SLC7A14: variants seen among roughly 807,000 people sequenced by gnomAD.
SLC7A14 encodes the protein solute carrier family 7 member 14.
Under a neutral mutation model 60.2 loss-of-function variants are expected in SLC7A14, and 37 were observed. The ratio of observed to expected loss-of-function variants is 0.61; its 90% CI spans 0.47 to 0.81. The LOEUF is 0.81. Ranked by LOEUF, SLC7A14 falls within the 30% of genes least tolerant of loss-of-function variation. SLC7A14 has a pLI of 0.00. For missense variants in SLC7A14, 886 were observed against 982.7 expected, an observed-to-expected ratio of 0.90 and a Z score of 1.32; for synonymous variants, 399 against 395.8, an observed-to-expected ratio of 1.01 and a Z score of -0.10.
chr3:170,557,786 G>T (rs1407835755), intron 1 of SLC7A14, among the ~76,000 whole-genome samples: 1 of 152,188 alleles, frequency 6.6e-6, no homozygotes, highest in Non-Finnish European at 1.5e-5. Context: ...CTTAGAAAAT[G>T]CAGGGTATAT....
intron 1 of SLC7A14, among the ~76,000 whole-genome samples, chr3:170,552,770 T>A (rs1714385384): frequency 6.6e-6 from 1 of 152,250 alleles, no homozygotes; most frequent in African/African-American, 2.4e-5. Context: ...TTCTAGCCCA[T>A]GTCCCACATG....
chr3:170,568,989 G>C (rs187458402), intron 1 of SLC7A14, among the ~76,000 whole-genome samples: 105 of 152,216 alleles, frequency 6.9e-4, no homozygotes, highest in Middle Eastern at 3.4e-3. Context: ...TTTCCTAATT[G>C]AATACCCTTT....
In SLC7A14 at chr3:170,460,505, G is replaced by A. The variant is rs1448126889; in HGVS notation, c.*6550C>T. The stretch of plus-strand genomic sequence containing the variant: ...GGTAAATCCTCGCCTTTGGGAGTGT[G>A]AATGAGACAAGCGTATCAGCAACTG... On this transcript the variant is annotated 3_prime_UTR_variant, in exon 8 of 8. Transcript: ENST00000231706. 1 of 152,204 alleles carries A rather than the reference G, an allele frequency of 6.6e-6. No homozygotes were observed. Among genetic ancestry groups the A allele is most frequent in the African/African-American group, 2.4e-5 (1 of 41,452 alleles). The allele number at this position is 152,204 out of a possible 1,614,324, so 9.4% of individuals were successfully genotyped here.
At chr3:170,506,639 C>G (rs1004632020) in intron 2 of SLC7A14, among the ~76,000 whole-genome samples, 5 of 152,166 alleles carry the variant, frequency 3.3e-5, no homozygotes, top group African/African-American at 9.7e-5. Flanking sequence ...TTTCAGACAG[C>G]CTACATGCAA....
chr3:170,481,799 T>G (rs1000415332), intron 6 of SLC7A14, among the ~76,000 whole-genome samples: 5 of 152,150 alleles, frequency 3.3e-5, no homozygotes, highest in African/African-American at 9.7e-5. Context: ...TTCAGAAACC[T>G]AGATTGAAGC....
Position 170,513,812 on chromosome 3 carries a change from T to C in SLC7A14, c.305-12467A>G, listed in dbSNP as rs116569243. On this transcript the variant is annotated intron_variant, in intron 2 of 7. Coordinates refer to ENST00000231706, the MANE Select transcript of SLC7A14 (RefSeq NM_020949.3). Reference sequence around the variant, plus strand: ...CTTTGCACTGTGGTGTTGGCCTTCATCACACCCCAGAAATTGCCATCTCTA... The same window carrying C: ...CTTTGCACTGTGGTGTTGGCCTTCACCACACCCCAGAAATTGCCATCTCTA... Among the ~76,000 whole-genome samples the C allele has an allele frequency of 3.5e-3, 531 of 152,312 alleles. 7 individuals carry two copies. The highest frequency in any genetic ancestry group is 0.012 in the African/African-American group (500 of 41,570).
At chr3:170,520,434 G>A (rs1024249744) in intron 2 of SLC7A14, among the ~76,000 whole-genome samples, 3 of 152,202 alleles carry the variant, frequency 2.0e-5, no homozygotes, top group African/African-American at 7.2e-5. Context: ...CCATCAATGA[G>A]CAATGGGACC....
At position 170,540,469 on chromosome 3, in the gene SLC7A14, C is replaced by A. The variant is rs76360467; in HGVS notation, c.-152-13381G>T. On this transcript the variant is annotated intron_variant, in intron 1 of 7. Coordinates refer to ENST00000231706, the MANE Select transcript of SLC7A14 (RefSeq NM_020949.3). ...TTTAGTTTGCTTCTTTTTTTTTTTT[C>A]ATCTGGCAGGAAAATAGTTGAGACT... 9.3e-3 allele frequency among the ~76,000 whole-genome samples: 1,375 copies of A among 147,672 alleles called. 10 individuals carry two copies. The highest frequency in any genetic ancestry group is 0.013 in the Non-Finnish European group (877 of 66,970).
At chr3:170,578,743 C>T (rs745534348) in intron 1 of SLC7A14, among the ~76,000 whole-genome samples, 11 of 152,128 alleles carry the variant, frequency 7.2e-5, no homozygotes, top group Non-Finnish European at 1.0e-4. Flanking sequence ...TTTAATTCTT[C>T]GGTCTTAAGG....
At chr3:170,582,499 A>G (rs961266952) in intron 1 of SLC7A14, among the ~76,000 whole-genome samples, 2 of 152,188 alleles carry the variant, frequency 1.3e-5, no homozygotes, top group Non-Finnish European at 2.9e-5. Flanking sequence ...TGTTGGACAG[A>G]GCAGTTCTAG....
chr3:170,551,479 C>T (rs1341543513), intron 1 of SLC7A14, among the ~76,000 whole-genome samples: 2 of 152,204 alleles, frequency 1.3e-5, no homozygotes, highest in African/African-American at 2.4e-5. Flanking sequence ...AACTGCTGGA[C>T]TGTGTTCCAA....
chr3:170,534,881 T>A (rs7622807), intron 1 of SLC7A14, among the ~76,000 whole-genome samples: 9,020 of 152,272 alleles, frequency 0.059, 359 homozygotes, highest in East Asian at 0.2. Context: ...TTGTCAACAC[T>A]CCAGAGTTGC....
At chr3:170,574,053 T>G (rs1360415662) in intron 1 of SLC7A14, among the ~76,000 whole-genome samples, 1 of 152,164 alleles carries the variant, frequency 6.6e-6, no homozygotes, top group Non-Finnish European at 1.5e-5. Flanking sequence ...AAATTAAGCT[T>G]CTGTACCTAA....
intron 2 of SLC7A14, among the ~76,000 whole-genome samples, chr3:170,517,798 C>T (rs73882032): frequency 0.022 from 3,309 of 152,208 alleles, 126 homozygotes; most frequent in African/African-American, 0.074. Flanking sequence ...TGATGGATCA[C>T]GAGGTGCCAA....
chr3:170,460,066 C>T lies in SLC7A14; in HGVS notation c.*6989G>A, dbSNP rs963514758. The T allele has an allele frequency of 6.6e-6, 1 of 152,118 alleles. No homozygotes were observed. The highest frequency in any genetic ancestry group is 1.5e-5 in the Non-Finnish European group (1 of 68,034). 9.4% of individuals were successfully genotyped at this position (152,118 alleles called of 1,614,324 possible). On this transcript the variant is annotated 3_prime_UTR_variant, in exon 8 of 8. Coordinates refer to ENST00000231706, the MANE Select transcript of SLC7A14 (RefSeq NM_020949.3). ...ATATTATTTCTTTCTTCATGATACA[C>T]TACATTGTACAGCACACCAATGGGA... is the stretch of plus-strand genomic sequence containing the variant.
chr3:170,472,403 A>G (rs1379087406), intron 7 of SLC7A14, among the ~76,000 whole-genome samples: 1 of 149,904 alleles, frequency 6.7e-6, no homozygotes, highest in East Asian at 2.0e-4. Flanking sequence ...TAACACAGAC[A>G]TGGTTGGACT....
At chr3:170,529,350 C>G (rs1560270703) in intron 1 of SLC7A14, among the ~76,000 whole-genome samples, 1 of 152,122 alleles carries the variant, frequency 6.6e-6, no homozygotes, top group Non-Finnish European at 1.5e-5. Flanking sequence ...AATGTTTTCC[C>G]ACATCAATAG....
At chr3:170,467,957 G>A (rs550024608) in intron 7 of SLC7A14, among the ~76,000 whole-genome samples, 3 of 152,166 alleles carry the variant, frequency 2.0e-5, no homozygotes, top group Admixed American at 6.5e-5. Flanking sequence ...CACTAAAGGC[G>A]TGATATATCA....
intron 4 of SLC7A14, among the ~76,000 whole-genome samples, chr3:170,498,225 G>A (rs1450100782): frequency 6.6e-6 from 1 of 152,162 alleles, no homozygotes; most frequent in Non-Finnish European, 1.5e-5. Flanking sequence ...TTTGGAGCCA[G>A]GCAGTCGTGG....
Sources: gnomAD v4.1 joint callset for allele counts (sites outside exome capture counted in the v4.1 genomes callset) on GRCh38, gnomAD v4.1.1 for gene constraint, MANE v1.5 for transcripts, NCBI Gene and HGNC (gene_info 2026-07-23, HGNC 2026-07-21) for gene names.